Variants in MOCOS observed in about 807,000 individuals in gnomAD.
MOCOS encodes human molybdenum cofactor sulfurase.
In MOCOS, 86 loss-of-function variants were observed where a neutral mutation model predicts 83.6. The observed-to-expected ratio is 1.03, with a 90% confidence interval of 0.86 to 1.23. MOCOS has a LOEUF of 1.23. MOCOS is among the 50% of genes most tolerant of loss of function. The pLI is 0.00. For synonymous variants in MOCOS, 445 were observed against 434.7 expected, an observed-to-expected ratio of 1.02 and a Z score of -0.29; for missense variants, 1,120 against 1,126.9, an observed-to-expected ratio of 0.99 and a Z score of 0.09.
chr18:36,203,397 C>T (rs1176548068), intron 5 of MOCOS, among the ~76,000 whole-genome samples: 2 of 152,184 alleles, frequency 1.3e-5, no homozygotes, highest in East Asian at 3.8e-4. Flanking sequence ...GTTTTTTCAG[C>T]TAAAATAACA....
At chr18:36,238,203 C>G (rs1162894251) in intron 9 of MOCOS, among the ~76,000 whole-genome samples, 2 of 141,608 alleles carry the variant, frequency 1.4e-5, no homozygotes, top group African/African-American at 2.7e-5. Context: ...TCTTGCTTTT[C>G]TAGTTCTTTT....
intron 10 of MOCOS, among the ~76,000 whole-genome samples, chr18:36,249,331 A>T (rs1244912047): frequency 6.6e-6 from 1 of 152,104 alleles, no homozygotes; most frequent in East Asian, 1.9e-4. Context: ...GGGCCACATG[A>T]CTACCCACAG....
intron 3 of MOCOS, 94 bp from the exon 4 acceptor site, chr18:36,199,589 A>C: frequency 1.6e-5 from 25 of 1,565,434 alleles, no homozygotes; most frequent in Non-Finnish European, 2.0e-5. Context: ...CCATTAAGGT[A>C]GAGATGTCAT....
At chr18:36,266,633 C>A in intron 13 of MOCOS, 116 bp from the exon 14 acceptor site, 1 of 822,416 alleles carries the variant, frequency 1.2e-6, no homozygotes, top group Non-Finnish European at 2.1e-6. Context: ...GAACAGGTGC[C>A]ACGTTCTGGC....
intron 9 of MOCOS, among the ~76,000 whole-genome samples, chr18:36,244,318 G>C (rs548807618): frequency 6.6e-6 from 1 of 152,044 alleles, no homozygotes; most frequent in Admixed American, 6.6e-5. Flanking sequence ...GTGATTGGTT[G>C]TGTCACTGTT....
At chr18:36,266,997 C>T in intron 14 of MOCOS, 144 bp downstream of exon 14, 4 of 712,928 alleles carry the variant, frequency 5.6e-6, no homozygotes, top group South Asian at 3.3e-5. Flanking sequence ...ATTAACCTAT[C>T]CTTGTTTGTA....
chr18:36,236,027 A>G (rs2091557374), intron 9 of MOCOS, among the ~76,000 whole-genome samples: 3 of 141,992 alleles, frequency 2.1e-5, no homozygotes, highest in African/African-American at 7.9e-5. Flanking sequence ...GATTCTGGAT[A>G]TTAGCCCTTT....
intron 5 of MOCOS, among the ~76,000 whole-genome samples, chr18:36,204,158 A>G (rs540000471): frequency 1.3e-5 from 2 of 152,352 alleles, no homozygotes; most frequent in East Asian, 3.9e-4. Flanking sequence ...ATGTCGTGCC[A>G]CCATCACCAC....
At chr18:36,202,271 T>C (rs2091417516) in intron 4 of MOCOS, among the ~76,000 whole-genome samples, 1 of 146,512 alleles carries the variant, frequency 6.8e-6, no homozygotes. Context: ...TTTTAAGAAA[T>C]CTATTAAGTA....
chr18:36,213,995 A>G (rs1181645896), intron 7 of MOCOS, among the ~76,000 whole-genome samples: 1 of 151,366 alleles, frequency 6.6e-6, no homozygotes, highest in Non-Finnish European at 1.5e-5. Flanking sequence ...TAATCACAGC[A>G]CTTTGGGAGG....
intron 6 of MOCOS, among the ~76,000 whole-genome samples, chr18:36,211,608 A>G (rs977280397): frequency 6.6e-6 from 1 of 152,046 alleles, no homozygotes; most frequent in African/African-American, 2.4e-5. Flanking sequence ...TCATCCTGCC[A>G]TAGAAAACAA....
rs2091481891 is a variant in MOCOS, at chr18:36,218,163, G to T, written c.1798-1892G>T. 2.0e-5 allele frequency among the ~76,000 whole-genome samples: 3 copies of T among 152,288 alleles called. No individual in the cohort carries two copies. In the South Asian group the frequency reaches 6.2e-4, roughly 32 times the overall value. ...CACCTCTTATACAGGTCAGCTGTAG[G>T]CTGGGAAACTGCACTTCAGAGACCC... On this transcript the variant is annotated intron_variant, in intron 8 of 14. Coordinates refer to ENST00000261326, the MANE Select transcript of MOCOS (RefSeq NM_017947.4).
chr18:36,226,454 T>G (rs997878100), intron 9 of MOCOS, among the ~76,000 whole-genome samples: 16 of 148,962 alleles, frequency 1.1e-4, no homozygotes, highest in South Asian at 2.1e-4. Context: ...ACAGTTGGGT[T>G]TTTTTTTATG....
rs557436336 is a variant in MOCOS at position 36,225,509 on chromosome 18, A to T, written c.1960+5292A>T. 1.8e-3 allele frequency among the ~76,000 whole-genome samples: 272 copies of T among 152,114 alleles called. 1 individual carries two copies. The highest frequency in any genetic ancestry group is 6.4e-3 in the African/African-American group (264 of 41,516). On this transcript the variant is annotated intron_variant, in intron 9 of 14. Transcript: ENST00000261326. ...GTCAGTTCTGTTTTTCAAAAATCCA[A>T]CTTAGTTTTGTTAATGTTTTCCATT...
chr18:36,256,301 G>A (rs2091641276), intron 11 of MOCOS, among the ~76,000 whole-genome samples: 1 of 152,148 alleles, frequency 6.6e-6, no homozygotes, highest in Admixed American at 6.5e-5. Context: ...GCTCTTCCTG[G>A]GCCTTTTGCC....
chr18:36,235,499 T>G (rs1171813019), intron 9 of MOCOS, among the ~76,000 whole-genome samples: 2 of 117,754 alleles, frequency 1.7e-5, no homozygotes, highest in Non-Finnish European at 3.5e-5. Context: ...CCATGGTGTA[T>G]ATGTGCCACA....
At chr18:36,254,907 A>G (rs1394752786) in intron 11 of MOCOS, among the ~76,000 whole-genome samples, 2 of 151,980 alleles carry the variant, frequency 1.3e-5, no homozygotes, top group East Asian at 1.9e-4. Context: ...TTTATTTTTA[A>G]TAGAGATGGG....
At chr18:36,216,550 GAATA>G (rs947809872) in intron 8 of MOCOS, among the ~76,000 whole-genome samples, 5 of 152,152 alleles carry the variant, frequency 3.3e-5, no homozygotes, top group African/African-American at 1.2e-4. Context: ...ATGAATTAGC[GAATA>G]AATAGAGAAG....
In MOCOS at chr18:36,205,123, T is replaced by C. The variant is rs1438373862; in HGVS notation, c.1065T>C (p.Tyr355=). 2 of 1,612,988 alleles carry C rather than the reference T, an allele frequency of 1.2e-6. No individual in the cohort carries two copies. Among genetic ancestry groups the C allele is most frequent in the Admixed American group, 1.7e-5 (1 of 59,918 alleles). The change falls in exon 6 of 15, where the codon TAT becomes TAC. Residue 355 remains tyrosine, a synonymous_variant. Transcript: ENST00000261326. ...IKQHTFTLAQ[Y]TYVALSSLQY... Reference sequence around the variant, plus strand: ...AGCACACCTTCACCTTGGCTCAGTATACCTACGTGGCCCTGTCCTCTCTCC... The same window carrying C: ...AGCACACCTTCACCTTGGCTCAGTACACCTACGTGGCCCTGTCCTCTCTCC...
Sources: gnomAD v4.1 joint callset for allele counts (sites outside exome capture counted in the v4.1 genomes callset) on GRCh38, gnomAD v4.1.1 for gene constraint, MANE v1.5 for transcripts, NCBI Gene and HGNC (gene_info 2026-07-23, HGNC 2026-07-21) for gene names.